The following RALYL variants were observed in gnomAD, a reference collection of about 807,000 sequenced individuals.
RALYL encodes RALY RNA binding protein like.
RALYL carries 29 observed loss-of-function variants against 35.1 expected under a neutral mutation model. That is an observed-to-expected ratio of 0.83 (90% CI 0.61 to 1.13). The LOEUF (loss-of-function observed/expected upper bound fraction) is 1.13, where lower values mean the gene tolerates loss of function less well. Among genes scored for constraint, RALYL ranks in the 50% most tolerant of loss-of-function variants. RALYL has a pLI of 0.00. For missense variants in RALYL, 359 were observed against 360.4 expected, an observed-to-expected ratio of 1.00 and a Z score of 0.03; for synonymous variants, 120 against 127.6, an observed-to-expected ratio of 0.94 and a Z score of 0.40.
intron 2 of RALYL, among the ~76,000 whole-genome samples, chr8:84,773,255 G>A (rs896812653): frequency 2.9e-4 from 44 of 152,042 alleles, no homozygotes; most frequent in African/African-American, 1.1e-3. Context: ...TTACTTTCTT[G>A]CTAGTTTTAT....
At chr8:84,564,123 A>G (rs565598506) in intron 2 of RALYL, among the ~76,000 whole-genome samples, 3 of 151,770 alleles carry the variant, frequency 2.0e-5, no homozygotes, top group Non-Finnish European at 2.9e-5. Context: ...TCTTCTGTCA[A>G]TTCTAACTTC....
chr8:84,514,253 T>C (rs2134482707), intron 1 of RALYL, among the ~76,000 whole-genome samples: 1 of 152,286 alleles, frequency 6.6e-6, no homozygotes, highest in East Asian at 1.9e-4. Context: ...CAGTAATCTG[T>C]TGTCATTGAA....
chr8:84,397,209 A>G (rs1183968994), intron 1 of RALYL, among the ~76,000 whole-genome samples: 1 of 152,178 alleles, frequency 6.6e-6, no homozygotes, highest in Admixed American at 6.5e-5. Context: ...GGAAACAAAA[A>G]TTTCTCCCAG....
chr8:84,550,549 CAT>C (rs1456184278), intron 2 of RALYL, among the ~76,000 whole-genome samples: 4 of 151,690 alleles, frequency 2.6e-5, no homozygotes, highest in African/African-American at 9.7e-5. Context: ...AAATTACCCA[CAT>C]AGACTTAGTT....
intron 2 of RALYL, among the ~76,000 whole-genome samples, chr8:84,536,525 G>A: frequency 6.6e-6 from 1 of 152,188 alleles, no homozygotes; most frequent in Admixed American, 6.5e-5. Flanking sequence ...TTGACAGACA[G>A]CCTGGGGTGA....
chr8:84,688,455 A>C (rs2132104252), intron 2 of RALYL, among the ~76,000 whole-genome samples: 1 of 152,282 alleles, frequency 6.6e-6, no homozygotes, highest in African/African-American at 2.4e-5. Context: ...AAGTGTCCCA[A>C]GAACACACAA....
At chr8:84,404,908 T>C (rs1397164599) in intron 1 of RALYL, among the ~76,000 whole-genome samples, 1 of 152,136 alleles carries the variant, frequency 6.6e-6, no homozygotes, top group South Asian at 2.1e-4. Context: ...CAACAGACCA[T>C]ACATTCTTCT....
chr8:84,882,527 C>CAA (rs1842339036), intron 7 of RALYL, among the ~76,000 whole-genome samples: 1 of 151,982 alleles, frequency 6.6e-6, no homozygotes, highest in Admixed American at 6.6e-5. Flanking sequence ...CCATGGTGTG[C>CAA]AAAATTCAAC....
chr8:84,312,316 A>G (rs901279535), intron 1 of RALYL, among the ~76,000 whole-genome samples: 2 of 152,172 alleles, frequency 1.3e-5, no homozygotes, highest in African/African-American at 2.4e-5. Flanking sequence ...GAGCAAAACC[A>G]TATTATTCCA....
chr8:84,217,125 A>G, intron 1 of RALYL, among the ~76,000 whole-genome samples: 1 of 152,138 alleles, frequency 6.6e-6, no homozygotes, highest in South Asian at 2.1e-4. Context: ...TTTCTGTATC[A>G]TTAATATGTA....
chr8:84,300,459 T>C (rs1176622125), intron 1 of RALYL, among the ~76,000 whole-genome samples: 1 of 152,114 alleles, frequency 6.6e-6, no homozygotes, highest in Admixed American at 6.6e-5. Flanking sequence ...TAGGTCCATT[T>C]GGTCAAGTGT....
intron 3 of RALYL, among the ~76,000 whole-genome samples, chr8:84,789,117 A>G (rs1342961016): frequency 6.6e-6 from 1 of 152,212 alleles, no homozygotes; most frequent in Non-Finnish European, 1.5e-5. Flanking sequence ...ATGACAGAAA[A>G]ACAGGAGACA....
chr8:84,716,546 C>A (rs936761806), intron 2 of RALYL, among the ~76,000 whole-genome samples: 4 of 152,124 alleles, frequency 2.6e-5, no homozygotes, highest in Admixed American at 2.0e-4. Context: ...CAGCACTGAA[C>A]TGTCCTCCAG....
intron 1 of RALYL, among the ~76,000 whole-genome samples, chr8:84,331,514 C>T (rs1045437324): frequency 6.6e-6 from 1 of 152,060 alleles, no homozygotes; most frequent in African/African-American, 2.4e-5. Flanking sequence ...TTTCTTGAAG[C>T]TGTCTTCAGA....
At chr8:84,242,037 TG>T (rs909371191) in intron 1 of RALYL, among the ~76,000 whole-genome samples, 2 of 152,110 alleles carry the variant, frequency 1.3e-5, no homozygotes, top group Non-Finnish European at 2.9e-5. Flanking sequence ...TAGTGTGTGT[TG>T]TTCCCCCCAT....
At chr8:84,289,980 G>A (rs1173306505) in intron 1 of RALYL, among the ~76,000 whole-genome samples, 2 of 152,152 alleles carry the variant, frequency 1.3e-5, no homozygotes, top group African/African-American at 4.8e-5. Context: ...TGTCTGGTTT[G>A]AGGATGTTTT....
intron 1 of RALYL, among the ~76,000 whole-genome samples, chr8:84,427,158 T>C (rs1357327967): frequency 6.6e-6 from 1 of 152,216 alleles, no homozygotes; most frequent in East Asian, 1.9e-4. Context: ...ATATGCCCAA[T>C]GGAAACTAGC....
chr8:84,779,309 G>GT (rs1563585260), intron 3 of RALYL, among the ~76,000 whole-genome samples: 14 of 152,302 alleles, frequency 9.2e-5, no homozygotes, highest in African/African-American at 3.1e-4. Flanking sequence ...TTGTAAAGTA[G>GT]ACAGACCTTT....
chr8:84,312,704 G>T (rs1843038025), intron 1 of RALYL, among the ~76,000 whole-genome samples: 1 of 152,234 alleles, frequency 6.6e-6, no homozygotes, highest in Admixed American at 6.5e-5. Context: ...CCATGGCCTT[G>T]GGCAGGTCTG....
Sources: allele counts gnomAD v4.1 joint callset (sites outside exome capture counted in the v4.1 genomes callset), GRCh38; gene constraint gnomAD v4.1.1; transcripts MANE v1.5; gene names NCBI Gene and HGNC (gene_info 2026-07-23, HGNC 2026-07-21).